The following MYO1E variants were observed in gnomAD, a reference collection of about 807,000 sequenced individuals.
The protein encoded by MYO1E is unconventional myosin-Ie.
A neutral mutation model predicts 151.1 loss-of-function variants in MYO1E; 68 were observed. That is an observed-to-expected ratio of 0.45 (90% confidence interval 0.37 to 0.55). The LOEUF (loss-of-function observed/expected upper bound fraction) is 0.55, where lower values mean the gene tolerates loss of function less well. Among genes scored for constraint, MYO1E ranks in the 20% least tolerant of loss-of-function variants. The pLI, the probability that MYO1E is intolerant of heterozygous loss-of-function variation, is 0.00. For synonymous variants in MYO1E, 601 were observed against 501.7 expected (o/e 1.20, Z -2.64); for missense variants, 1,363 against 1,389.3 (o/e 0.98, Z 0.30).
chr15:59,213,296 G>T (rs184566198), intron 12 of MYO1E, among the ~76,000 whole-genome samples: 8 of 151,984 alleles, frequency 5.3e-5, no homozygotes, highest in Admixed American at 4.6e-4. Flanking sequence ...TCAGCCCCCT[G>T]AGTAGCTGGG....
chr15:59,164,237 G>C (rs2079552639), intron 22 of MYO1E, among the ~76,000 whole-genome samples: 1 of 152,092 alleles, frequency 6.6e-6, no homozygotes, highest in African/African-American at 2.4e-5. Context: ...AGGTGAATGG[G>C]GCCACCACCC....
chr15:59,135,255 C>T lies in MYO1E; in HGVS notation c.*2125G>A, dbSNP rs886282866. 7 of 152,172 alleles carry T rather than the reference C, an allele frequency of 4.6e-5. No individual in the cohort carries two copies. The highest frequency in any genetic ancestry group is 1.0e-4 in the Non-Finnish European group (7 of 68,048). 9.4% of individuals were successfully genotyped at this position (152,172 alleles called of 1,614,324 possible). On this transcript the variant is annotated 3_prime_UTR_variant, in exon 28 of 28. Transcript: ENST00000288235. ...TTTAACTCAGTCCCTGTTTTGTGAC[C>T]TAGAGCCCGATGGTTCCCAGTTACA...
intron 1 of MYO1E, among the ~76,000 whole-genome samples, chr15:59,323,580 C>T (rs865905381): frequency 7.9e-5 from 12 of 151,608 alleles, no homozygotes; most frequent in African/African-American, 2.4e-4. Context: ...GGCATGACCC[C>T]GGGAGGTGGA....
rs989073483 is a variant in MYO1E at position 59,352,721 on chromosome 15, G to C, written c.3+19777C>G. Among the ~76,000 whole-genome samples the C allele has an allele frequency of 1.1e-4, 16 of 152,278 alleles. No homozygotes were observed. The East Asian group carries it at 2.5e-3, about 24-fold the overall frequency. ...TTCTTAGTAATCGCTAGTTCCAATA[G>C]CAGATTCTCTTCTATTCAACAGTGT... On this transcript the variant is annotated intron_variant, in intron 1 of 27. Transcript: ENST00000288235.
intron 4 of MYO1E, among the ~76,000 whole-genome samples, chr15:59,253,189 T>C (rs2080175008): frequency 6.6e-6 from 1 of 152,228 alleles, no homozygotes. Context: ...AGGGCAACAA[T>C]TAATTGTTTT....
intron 4 of MYO1E, among the ~76,000 whole-genome samples, chr15:59,244,366 AG>A (rs1380677524): frequency 5.3e-5 from 8 of 152,270 alleles, no homozygotes; most frequent in African/African-American, 1.9e-4. Context: ...TGTTACTAGC[AG>A]ATCTTTTACA....
At chr15:59,321,598 C>G (rs1207595468) in intron 1 of MYO1E, among the ~76,000 whole-genome samples, 1 of 152,148 alleles carries the variant, frequency 6.6e-6, no homozygotes, top group African/African-American at 2.4e-5. Flanking sequence ...TTCAAATACC[C>G]TATGTTCTCA....
At chr15:59,334,199 T>C (rs55822118) in intron 1 of MYO1E, among the ~76,000 whole-genome samples, 125,388 of 152,142 alleles carry the variant, frequency 0.82, 54,902 homozygotes, top group East Asian at 1. Context: ...GAGGGTCACC[T>C]GAGCCCAGGA....
At chr15:59,220,456 A>G (rs2079947519) in intron 9 of MYO1E, among the ~76,000 whole-genome samples, 1 of 152,234 alleles carries the variant, frequency 6.6e-6, no homozygotes, top group Non-Finnish European at 1.5e-5. Context: ...CTCAAAACAA[A>G]AACAAAAAAC....
chr15:59,252,173 A>T (rs1393442050), intron 4 of MYO1E, among the ~76,000 whole-genome samples: 7 of 152,184 alleles, frequency 4.6e-5, no homozygotes, highest in Non-Finnish European at 8.8e-5. Context: ...TTCTCTTAAA[A>T]AGCTCATATT....
At chr15:59,313,925 A>T (rs974938130) in intron 1 of MYO1E, among the ~76,000 whole-genome samples, 1 of 152,262 alleles carries the variant, frequency 6.6e-6, no homozygotes, top group Admixed American at 6.5e-5. Context: ...GAGAGAGACC[A>T]TAATGGCTGG....
At chr15:59,227,033 C>T (rs1288116969) in intron 7 of MYO1E, among the ~76,000 whole-genome samples, 1 of 152,174 alleles carries the variant, frequency 6.6e-6, no homozygotes, top group East Asian at 1.9e-4. Context: ...AGGCTGAGGC[C>T]GGGCTCCCTG....
Position 59,236,652 on chromosome 15 carries a change from T to C in MYO1E, c.353A>G (p.Lys118Arg), listed in dbSNP as rs751096968. ...VIISGESGAG[K>R]TVAAKYIMSY... ...CATGATATATTTGGCAGCCACTGTT[T>C]TTCCAGCACCACTTTCACCACTAAA... Residue 118 changes from lysine (K) to arginine (R), a missense_variant, in exon 5 of 28, where the codon AAA (lysine) becomes AGA (arginine). By Grantham distance (26) the Lys-to-Arg change is conservative. Transcript: ENST00000288235. 2.5e-6 allele frequency: 4 copies of C among 1,613,932 alleles called. No homozygotes were observed. Among genetic ancestry groups the C allele is most frequent in the Non-Finnish European group, 2.5e-6 (3 of 1,179,866 alleles).
intron 12 of MYO1E, chr15:59,212,887 C>A (rs1484228183): frequency 2.0e-5 from 3 of 152,156 alleles, no homozygotes; most frequent in Non-Finnish European, 4.4e-5. Context: ...TGGAGTCAAA[C>A]TGCCATAAGC....
At chr15:59,303,748 G>A (rs900125544) in intron 1 of MYO1E, among the ~76,000 whole-genome samples, 55 of 152,224 alleles carry the variant, frequency 3.6e-4, no homozygotes, top group Non-Finnish European at 4.6e-4. Context: ...GGGAAAGGCG[G>A]TGGCACAAAA....
chr15:59,148,281 G>T (rs2079454177), intron 26 of MYO1E, among the ~76,000 whole-genome samples: 2 of 152,126 alleles, frequency 1.3e-5, no homozygotes, highest in Non-Finnish European at 2.9e-5. Context: ...GAATGAACCA[G>T]GACTCACCCT....
chr15:59,207,017 T>C (rs2079839913), intron 14 of MYO1E: 1 of 1,614,110 alleles, frequency 6.2e-7, no homozygotes, highest in South Asian at 1.1e-5. Context: ...TGCCTGGGGA[T>C]GGCCCTGTGT....
rs143718171 is a variant in MYO1E, at chr15:59,207,106, G to A, written c.1530+1575C>T. 237 of 1,614,244 alleles carry A rather than the reference G, an allele frequency of 1.5e-4. 1 individual carries two copies. In the African/African-American group the frequency reaches 2.5e-3, roughly 17 times the overall value. On this transcript the variant is annotated intron_variant, in intron 14 of 27. Transcript: ENST00000288235. ...GAGCAAGATGGCGACTGTGAAGAGT[G>A]AGCTTATTGAGCGTTTCACTTCCGA...
At chr15:59,177,473 T>G (rs1336799387) in intron 19 of MYO1E, among the ~76,000 whole-genome samples, 1 of 152,204 alleles carries the variant, frequency 6.6e-6, no homozygotes, top group African/African-American at 2.4e-5. Context: ...AGTTCCCATA[T>G]GATTTCCCCT....
Sources: allele counts gnomAD v4.1 joint callset (sites outside exome capture counted in the v4.1 genomes callset), GRCh38; gene constraint gnomAD v4.1.1; transcripts MANE v1.5; gene names NCBI Gene and HGNC (gene_info 2026-07-23, HGNC 2026-07-21).